Variants in ZBTB40 observed in about 807,000 individuals in gnomAD.
ZBTB40 encodes zinc finger and BTB domain containing 40, also known as zinc finger and BTB domain-containing protein 40.
Under a neutral mutation model 117.5 loss-of-function variants are expected in ZBTB40, and 60 were observed. The ratio of observed to expected loss-of-function variants is 0.51; its 90% CI spans 0.41 to 0.63. ZBTB40 has a LOEUF of 0.63. ZBTB40 is among the 30% of genes least tolerant of loss of function. The probability of loss-of-function intolerance (pLI) is 0.00; values close to 1 mark genes in which losing one functional copy is unlikely to be tolerated. For synonymous variants in ZBTB40, 525 were observed against 577.1 expected, an observed-to-expected ratio of 0.91 and a Z score of 1.29; for missense variants, 1,287 against 1,498.5, an observed-to-expected ratio of 0.86 and a Z score of 2.33.
chr1:22,513,856 GT>G lies in ZBTB40; in HGVS notation c.2668+727del, dbSNP rs1306555856. Among the ~76,000 whole-genome samples the G allele has an allele frequency of 2.0e-5, 3 of 152,214 alleles. No individual in the cohort carries two copies. In the East Asian group the frequency reaches 5.8e-4, roughly 29 times the overall value. Reference sequence around the variant, plus strand: ...CTCCTATGACTTTATATTAGGTCTTGTGGAAAAGTCATTGTGGTTTTTGCCA... The same window carrying G: ...CTCCTATGACTTTATATTAGGTCTTGGGAAAAGTCATTGTGGTTTTTGCCA... On this transcript the variant is annotated intron_variant, in intron 12 of 17. Transcript: ENST00000375647. This position sits in a 1 kb window ranked among gnomAD's most constrained non-coding sequence, Gnocchi z 4.9.
At chr1:22,494,148 C>G (rs1638710157) in intron 3 of ZBTB40, among the ~76,000 whole-genome samples, 2 of 152,162 alleles carry the variant, frequency 1.3e-5, no homozygotes, top group African/African-American at 4.8e-5. Flanking sequence ...ACCTAACAGA[C>G]CTTGAAACCC....
intron 1 of ZBTB40, among the ~76,000 whole-genome samples, chr1:22,458,075 A>G (rs781598540): frequency 1.2e-4 from 18 of 152,214 alleles, no homozygotes; most frequent in Non-Finnish European, 2.2e-4. Context: ...ATATTTAGTT[A>G]GGCTACAGGA....
At chr1:22,508,988 T>C (rs1172314410) in intron 8 of ZBTB40, 112 bp from the exon 9 acceptor site, 4 of 1,543,674 alleles carry the variant, frequency 2.6e-6, no homozygotes, top group African/African-American at 1.4e-5. Flanking sequence ...CAACCTCAGA[T>C]AGGAGATAGG....
At chr1:22,493,924 C>T (rs1264519543) in intron 3 of ZBTB40, among the ~76,000 whole-genome samples, 1 of 151,526 alleles carries the variant, frequency 6.6e-6, no homozygotes, top group East Asian at 1.9e-4. Context: ...TTATCCACCT[C>T]TACTATTTAC....
Position 22,502,450 on chromosome 1 carries a change from G to A in ZBTB40, c.1167+9G>A. On this transcript the variant is annotated intron_variant, in intron 5 of 17. Transcript: ENST00000375647. ...CTGGCACTGAAAAAAGGGTAACTGT[G>A]TCAAGTGTCTCCTCCCTCCTCCTGA... 2 of 1,613,934 alleles carry A rather than the reference G, an allele frequency of 1.2e-6. No individual in the cohort carries two copies. Among genetic ancestry groups the A allele is most frequent in the Non-Finnish European group, 8.5e-7 (1 of 1,179,876 alleles).
chr1:22,467,078 A>T (rs1641273541), intron 1 of ZBTB40, among the ~76,000 whole-genome samples: 1 of 152,138 alleles, frequency 6.6e-6, no homozygotes. Flanking sequence ...TTTAACCATT[A>T]ATACTATTGC....
chr1:22,452,596 C>G (rs773199587), intron 1 of ZBTB40: 1 of 152,288 alleles, frequency 6.6e-6, no homozygotes, highest in Non-Finnish European at 1.5e-5. Flanking sequence ...GTTGCGCAGC[C>G]GTTGCTTGGC....
rs185139024 is a variant in ZBTB40, at chr1:22,440,466, G to A, written c.-70+11452G>A. Among the ~76,000 whole-genome samples, 7 of 152,164 alleles carry A rather than the reference G, an allele frequency of 4.6e-5. No homozygotes were observed. In the East Asian group the frequency reaches 7.7e-4, roughly 17 times the overall value. On this transcript the variant is annotated intron_variant, in intron 1 of 8. Transcript: ENST00000650433. Reference sequence around the variant, plus strand: ...AGCCTGGGAAAAATAGCAAGAGCCCGGTCTCCAAAACACAAACAAAACAAG... The same window carrying A: ...AGCCTGGGAAAAATAGCAAGAGCCCAGTCTCCAAAACACAAACAAAACAAG...
chr1:22,517,414 A>G lies in ZBTB40; in HGVS notation c.2783A>G (p.Lys928Arg). The G allele has an allele frequency of 1.2e-6, 2 of 1,614,176 alleles. No individual in the cohort carries two copies. The highest frequency in any genetic ancestry group is 1.3e-5 in the African/African-American group (1 of 75,060). ...CCCTATGTCTGCAGAGACTGTGGCA[A>G]GGGCTTCCGGCAAGCCAATGGCCTC... The part of the protein sequence containing the change: ...DKPYVCRDCG[K>R]GFRQANGLSI... The change falls in exon 13 of 18, where the codon AAG (lysine) becomes AGG (arginine). Residue 928 changes from lysine to arginine, a missense_variant. Physicochemically the swap from Lys to Arg is conservative, Grantham distance 26. Around this residue, in one of 2 missense-constraint regions of ZBTB40, gnomAD observed 417 missense variants for 564.1 expected, o/e 0.74. Transcript: ENST00000375647.
intron 3 of ZBTB40, 75 bp downstream of exon 3, chr1:22,491,608 G>T: frequency 1.3e-6 from 2 of 1,504,352 alleles, no homozygotes; most frequent in Admixed American, 1.8e-5. Context: ...TTTATATGGG[G>T]CAGAAATAGC....
rs1298670721 is a variant in ZBTB40, at chr1:22,433,449, A to ACAAAAACAAAAACAAACAAAC, written c.-70+4435_-70+4436insCAAAAACAAAAACAAACAAAC. Among the ~76,000 whole-genome samples the ACAAAAACAAAAACAAACAAAC allele has an allele frequency of 7.8e-5, 11 of 141,546 alleles. 1 individual carries two copies. The highest frequency in any genetic ancestry group is 1.8e-4 in the African/African-American group (7 of 39,796). The allele number at this position is 141,546 out of a possible 152,430, so 92.9% of individuals were successfully genotyped here. On this transcript the variant is annotated intron_variant, in intron 1 of 8. Transcript: ENST00000650433. ...CGCCCTCTCAAAAAAAAAAAAAAAA[A>ACAAAAACAAAAACAAACAAAC]AAAAAAAAGACAGCTAAAAATATGG... is the stretch of plus-strand genomic sequence containing the variant.
At chr1:22,448,603 T>C (rs1640815219), upstream of ZBTB40, among the ~76,000 whole-genome samples, 1 of 152,172 alleles carries the variant, frequency 6.6e-6, no homozygotes, top group Non-Finnish European at 1.5e-5. Flanking sequence ...AGTAGCTGTG[T>C]TTTTTGAGCA....
At chr1:22,447,214 C>T (rs1455272158), upstream of ZBTB40, among the ~76,000 whole-genome samples, 1 of 151,716 alleles carries the variant, frequency 6.6e-6, no homozygotes, top group Non-Finnish European at 1.5e-5. Context: ...GTAAATTATA[C>T]CTTGGTAAAG....
chr1:22,431,258 G>GTATATATTGAATATATACAATATTA (rs1640578448), intron 1 of ZBTB40, among the ~76,000 whole-genome samples: 1 of 146,030 alleles, frequency 6.8e-6, no homozygotes, highest in African/African-American at 2.5e-5. Flanking sequence ...ATACAATATT[G>GTATATATTGAATATATACAATATTA]TATATATTGA....
chr1:22,447,569 G>A (rs773093937), upstream of ZBTB40, among the ~76,000 whole-genome samples: 8 of 152,174 alleles, frequency 5.3e-5, no homozygotes, highest in Non-Finnish European at 1.0e-4. Context: ...TAAATATGAC[G>A]GGCCTGTGAG....
rs762061510 is a variant in ZBTB40 at position 22,502,260 on chromosome 1, CT to C, written c.1025-38del. On this transcript the variant is annotated intron_variant, in intron 4 of 17. Coordinates refer to ENST00000375647, the MANE Select transcript of ZBTB40 (RefSeq NM_014870.4). ...CATGCTGTCATTTTCTTCAAATTGA[CT>C]AGCTTCTCTTGTGTGTCTCTAACTC... 4 of 1,600,352 alleles carry C rather than the reference CT, an allele frequency of 2.5e-6. No homozygotes were observed. The Admixed American group carries it at 6.9e-5, about 28-fold the overall frequency.
At chr1:22,436,905 A>C (rs951590802) in intron 1 of ZBTB40, among the ~76,000 whole-genome samples, 1 of 152,198 alleles carries the variant, frequency 6.6e-6, no homozygotes, top group Non-Finnish European at 1.5e-5. Flanking sequence ...AGTCATCTAT[A>C]GGGACAGAAA....
intron 6 of ZBTB40, among the ~76,000 whole-genome samples, chr1:22,507,713 TTACAAG>T: frequency 6.6e-6 from 1 of 152,302 alleles, no homozygotes; most frequent in South Asian, 2.1e-4. Flanking sequence ...TCTGAGTCTC[TTACAAG>T]TACAGCCTTC....
intron 1 of ZBTB40, among the ~76,000 whole-genome samples, chr1:22,454,743 T>G (rs1640965941): frequency 6.6e-6 from 1 of 152,246 alleles, no homozygotes; most frequent in Non-Finnish European, 1.5e-5. Flanking sequence ...AGTTACAGAT[T>G]AGTTATCTGA....
Sources: gnomAD v4.1 joint callset for allele counts (sites outside exome capture counted in the v4.1 genomes callset) on GRCh38, gnomAD v4.1.1 for gene constraint, gnomAD v4.1.1 regional missense constraint, Gnocchi (gnomAD v3.1) non-coding constraint, MANE v1.5 for transcripts, NCBI Gene and HGNC (gene_info 2026-07-23, HGNC 2026-07-21) for gene names.